Variants in CSTPP1 observed in about 807,000 individuals in gnomAD.
CSTPP1 encodes the protein centriolar satellite-associated tubulin polyglutamylase complex regulator 1.
At chr11:47,084,861 C>CA in the CSTPP1 span, among the ~76,000 whole-genome samples, 1 of 151,850 alleles carries the variant, frequency 6.6e-6, no homozygotes, top group Non-Finnish European at 1.5e-5. Context: ...TTCATTTCTA[C>CA]AAAAAAAGCC....
At chr11:47,099,430 G>A in the CSTPP1 span, among the ~76,000 whole-genome samples, 1 of 152,290 alleles carries the variant, frequency 6.6e-6, no homozygotes, top group East Asian at 1.9e-4. Context: ...TTGATGTGGT[G>A]AAACAAAGCC....
At chr11:47,086,152 G>A in the CSTPP1 span, among the ~76,000 whole-genome samples, 1 of 148,694 alleles carries the variant, frequency 6.7e-6, no homozygotes, top group Non-Finnish European at 1.5e-5. Flanking sequence ...ACTTTGGGAG[G>A]TGGAGTCGGG....
the CSTPP1 span, chr11:46,936,721 G>T: frequency 2.2e-4 from 340 of 1,575,350 alleles, no homozygotes; most frequent in Non-Finnish European, 2.4e-4. Context: ...CTTCCGCCGC[G>T]TGGGTGCCAT....
the CSTPP1 span, among the ~76,000 whole-genome samples, chr11:47,003,777 G>A: frequency 6.6e-6 from 1 of 152,162 alleles, no homozygotes; most frequent in South Asian, 2.1e-4. Context: ...AGAGATGTTT[G>A]GGAAAAGCAT....
the CSTPP1 span, among the ~76,000 whole-genome samples, chr11:47,114,828 CT>C: frequency 6.6e-6 from 1 of 152,320 alleles, no homozygotes; most frequent in East Asian, 1.9e-4. Flanking sequence ...TTATTTCTTT[CT>C]CTTGCCTGAT....
At chr11:47,062,939 C>A in the CSTPP1 span, among the ~76,000 whole-genome samples, 1 of 152,210 alleles carries the variant, frequency 6.6e-6, no homozygotes, top group East Asian at 1.9e-4. Flanking sequence ...TCCCTTTAGA[C>A]AGGGCATGTG....
At chr11:47,033,544 A>G in the CSTPP1 span, among the ~76,000 whole-genome samples, 1 of 152,064 alleles carries the variant, frequency 6.6e-6, no homozygotes, top group Admixed American at 6.6e-5. Context: ...CAAGATCCAT[A>G]TCTTGGGACC....
chr11:47,066,411 A>G, the CSTPP1 span, among the ~76,000 whole-genome samples: 2 of 151,858 alleles, frequency 1.3e-5, no homozygotes, highest in East Asian at 3.9e-4. Flanking sequence ...TGGTGTGACT[A>G]AATGGTCCCA....
chr11:47,157,692 C>A, the CSTPP1 span: 1 of 903,716 alleles, frequency 1.1e-6, no homozygotes, highest in Non-Finnish European at 1.8e-6. Context: ...CCCCCAGGGC[C>A]TTGGGGCTCC....
the CSTPP1 span, among the ~76,000 whole-genome samples, chr11:47,038,458 AC>A: frequency 1.3e-5 from 1 of 74,104 alleles, no homozygotes; most frequent in African/African-American, 4.0e-5. Context: ...CGGGGGGCTG[AC>A]CCCCCCACCT....
the CSTPP1 span, chr11:47,130,926 C>T: frequency 6.6e-6 from 1 of 152,218 alleles, no homozygotes; most frequent in Admixed American, 6.5e-5. Context: ...CTGTGGTATT[C>T]TCTGGCCTCT....
the CSTPP1 span, among the ~76,000 whole-genome samples, chr11:47,065,977 T>TGTGTGTG: frequency 6.8e-6 from 1 of 146,000 alleles, no homozygotes; most frequent in Non-Finnish European, 1.5e-5. Flanking sequence ...GGTCTAACAG[T>TGTGTGTG]TGTGTGTGTG....
At chr11:46,962,611 A>C in the CSTPP1 span, among the ~76,000 whole-genome samples, 2 of 152,044 alleles carry the variant, frequency 1.3e-5, no homozygotes, top group Non-Finnish European at 2.9e-5. Context: ...TCTTTCAACA[A>C]TGTTCTATAG....
chr11:47,141,367 G>A, the CSTPP1 span, among the ~76,000 whole-genome samples: 556 of 152,254 alleles, frequency 3.7e-3, 2 homozygotes, highest in African/African-American at 0.013. Context: ...AGGCACAGTG[G>A]CTCATGCCTG....
the CSTPP1 span, among the ~76,000 whole-genome samples, chr11:47,012,375 A>T: frequency 6.6e-6 from 1 of 152,230 alleles, no homozygotes. Flanking sequence ...TTGCTATTTT[A>T]GATACTTGCT....
the CSTPP1 span, among the ~76,000 whole-genome samples, chr11:47,122,552 T>A: frequency 6.6e-6 from 1 of 152,200 alleles, no homozygotes; most frequent in African/African-American, 2.4e-5. Context: ...AATGGCTTTT[T>A]AAAAAATAAA....
At chr11:47,137,290 G>A in the CSTPP1 span, 74 of 1,321,586 alleles carry the variant, frequency 5.6e-5, no homozygotes, top group South Asian at 7.8e-4. Flanking sequence ...AAATTTAACC[G>A]GCTTTGAAAT....
At chr11:47,154,864 G>A in the CSTPP1 span, 1 of 458,954 alleles carries the variant, frequency 2.2e-6, no homozygotes, top group Non-Finnish European at 3.9e-6. Context: ...CCCTCTCCTC[G>A]CCACCCCCTG....
At chr11:46,952,982 C>T in the CSTPP1 span, among the ~76,000 whole-genome samples, 60 of 152,140 alleles carry the variant, frequency 3.9e-4, no homozygotes, top group Non-Finnish European at 6.5e-4. Flanking sequence ...TATTTATCTT[C>T]CTAGACTGGA....
Sources: allele counts gnomAD v4.1 joint callset (sites outside exome capture counted in the v4.1 genomes callset), GRCh38; gene constraint gnomAD v4.1.1; transcripts MANE v1.5; gene names NCBI Gene and HGNC (gene_info 2026-07-23, HGNC 2026-07-21).